ECT2: variants seen among roughly 807,000 people sequenced by gnomAD.
ECT2 encodes the protein epithelial cell transforming 2.
ECT2 carries 61 observed loss-of-function variants against 116.9 expected under a neutral mutation model. That is an observed-to-expected ratio of 0.52 (90% CI 0.42 to 0.65). The LOEUF is 0.65. Ranked by LOEUF, ECT2 falls within the 30% of genes least tolerant of loss-of-function variation. The pLI is 0.00. For synonymous variants in ECT2, 358 were observed against 346.4 expected (o/e 1.03, Z -0.37); for missense variants, 937 against 1,078.7 (o/e 0.87, Z 1.84).
chr3:172,760,825 A>G (rs1029799692), intron 7 of ECT2, among the ~76,000 whole-genome samples: 1 of 139,934 alleles, frequency 7.1e-6, no homozygotes, highest in African/African-American at 2.7e-5. Context: ...GGTTCACGCC[A>G]TTCTCCTGCC....
At chr3:172,760,451 C>CT (rs202128070) in intron 7 of ECT2, among the ~76,000 whole-genome samples, 188 bp downstream of exon 7, 5 of 149,560 alleles carry the variant, frequency 3.3e-5, no homozygotes, top group Admixed American at 1.3e-4. Context: ...CTTTTCTTTT[C>CT]TTTTTTTTTA....
intron 22 of ECT2, among the ~76,000 whole-genome samples, chr3:172,810,482 G>A (rs957498293): frequency 2.6e-5 from 4 of 152,138 alleles, no homozygotes; most frequent in African/African-American, 7.2e-5. Flanking sequence ...AAGTTAGTAT[G>A]ATTTGTATTT....
chr3:172,784,639 C>A, intron 16 of ECT2, 68 bp from the exon 17 acceptor site: 1 of 1,093,628 alleles, frequency 9.1e-7, no homozygotes, highest in Non-Finnish European at 1.4e-6. Flanking sequence ...AGGTGTACTC[C>A]AGTAAAAGTA....
chr3:172,758,357 G>T (rs1246939408), intron 5 of ECT2, among the ~76,000 whole-genome samples: 3 of 152,014 alleles, frequency 2.0e-5, no homozygotes, highest in African/African-American at 7.3e-5. Context: ...ATTTGGAGTG[G>T]TTGGTTTCAA....
At chr3:172,794,203 C>T (rs546760122) in intron 18 of ECT2, among the ~76,000 whole-genome samples, 24 of 151,798 alleles carry the variant, frequency 1.6e-4, no homozygotes, top group Admixed American at 4.6e-4. Flanking sequence ...TTCTTATTTT[C>T]TTTAAGAATG....
rs756644935 is a variant in ECT2, at chr3:172,762,719, A to G, written c.918A>G (p.Glu306=). The stretch of plus-strand genomic sequence containing the variant: ...GTAAATATTTACCGCTTGGAGATGA[A>G]AGATGCACTCACCTTGTAGTTGAAG... ...QGGKYLPLGD[E]RCTHLVVEEN... is the part of the protein sequence containing the mutation. Residue 306 remains glutamate, a synonymous_variant, in exon 10 of 25, where the codon GAA becomes GAG. Transcript: ENST00000392692. 2 of 1,612,452 alleles carry G rather than the reference A, an allele frequency of 1.2e-6. No homozygotes were observed. Among genetic ancestry groups the G allele is most frequent in the Non-Finnish European group, 1.7e-6 (2 of 1,179,422 alleles).
chr3:172,821,932 C>G (rs541132494), downstream of ECT2, among the ~76,000 whole-genome samples: 2 of 151,908 alleles, frequency 1.3e-5, no homozygotes, highest in African/African-American at 4.8e-5. Context: ...TGTTATCTAT[C>G]TGCCTTAGGT....
At chr3:172,761,963 G>T (rs945346703) in intron 8 of ECT2, among the ~76,000 whole-genome samples, 6 of 151,868 alleles carry the variant, frequency 4.0e-5, no homozygotes, top group African/African-American at 1.2e-4. Flanking sequence ...CTGTGTATTT[G>T]GATTTTGTTA....
At chr3:172,787,261 C>A (rs1264350322) in intron 18 of ECT2, among the ~76,000 whole-genome samples, 1 of 152,094 alleles carries the variant, frequency 6.6e-6, no homozygotes, top group African/African-American at 2.4e-5. Context: ...TTCTGAGATG[C>A]CAGGGTGCTT....
chr3:172,809,850 G>A (rs952217827), intron 22 of ECT2, among the ~76,000 whole-genome samples: 9 of 152,114 alleles, frequency 5.9e-5, no homozygotes, highest in Non-Finnish European at 1.0e-4. Flanking sequence ...AAGTTAATCT[G>A]ATACCATTAA....
intron 1 of ECT2, 31 bp from the exon 2 acceptor site, chr3:172,754,478 A>C (rs988001071): frequency 5.5e-6 from 8 of 1,466,182 alleles, no homozygotes; most frequent in Non-Finnish European, 6.4e-6. Context: ...GACCATGTTT[A>C]TGTATTTTTA....
rs1319158624 is a variant in ECT2, at chr3:172,815,670, T to C, written c.2467T>C (p.Leu823=). ...AAATACAAAAGATATGGACAGTACA[T>C]TGAGTAGAGCATCAAGAGCAATAAA... ...EVNTKDMDST[L]SRASRAIKKT... Residue 823 remains leucine, a synonymous_variant, in exon 23 of 25, where the codon TTG becomes CTG. Transcript: ENST00000392692. 6.2e-7 allele frequency: 1 copy of C among 1,606,416 alleles called. No homozygotes were observed. Among genetic ancestry groups the C allele is most frequent in the African/African-American group, 1.3e-5 (1 of 74,600 alleles).
At position 172,784,823 on chromosome 3, in the gene ECT2, C is replaced by G. The variant is rs746544367; in HGVS notation, c.1825+20C>G. On this transcript the variant is annotated intron_variant, in intron 17 of 24. Coordinates refer to ENST00000392692, the MANE Select transcript of ECT2 (RefSeq NM_001258315.2). Reference sequence around the variant, plus strand: ...TAAATGGTACTTGTCTGATCTGTTTCAAACTACATCAGATATTTTAATGGA... The same window carrying G: ...TAAATGGTACTTGTCTGATCTGTTTGAAACTACATCAGATATTTTAATGGA... The G allele has an allele frequency of 1.3e-5, 17 of 1,339,920 alleles. 1 individual carries two copies. The East Asian group carries it at 4.0e-4, about 31-fold the overall frequency. 83.0% of individuals were successfully genotyped at this position (1,339,920 alleles called of 1,614,324 possible).
At chr3:172,828,162 C>A in the ECT2 span, among the ~76,000 whole-genome samples, 1 of 152,142 alleles carries the variant, frequency 6.6e-6, no homozygotes, top group East Asian at 1.9e-4. Context: ...AAGAATAAGT[C>A]TAATAAAAGA....
intron 18 of ECT2, among the ~76,000 whole-genome samples, chr3:172,794,788 C>T (rs1725310694): frequency 6.6e-6 from 1 of 152,118 alleles, no homozygotes; most frequent in Non-Finnish European, 1.5e-5. Flanking sequence ...GGTCTCGGCT[C>T]ACTGCAATCT....
At chr3:172,783,719 A>T in intron 15 of ECT2, 80 bp from the exon 16 acceptor site, 2 of 891,182 alleles carry the variant, frequency 2.2e-6, no homozygotes, top group Non-Finnish European at 3.6e-6. Context: ...TGTGACTACT[A>T]ATTATTTGAC....
chr3:172,803,136 C>G (rs1242092113), intron 20 of ECT2, among the ~76,000 whole-genome samples, 156 bp downstream of exon 20: 1 of 152,032 alleles, frequency 6.6e-6, no homozygotes, highest in African/African-American at 2.4e-5. Context: ...TGATTTAATA[C>G]TGTTAATAGA....
chr3:172,762,311 T>C (rs1718459625), intron 8 of ECT2, 105 bp from the exon 9 acceptor site: 11 of 1,200,350 alleles, frequency 9.2e-6, no homozygotes, highest in Admixed American at 2.7e-5. Flanking sequence ...TTTCAATAGA[T>C]AGATTATGCC....
chr3:172,763,834 T>C (rs2108342386), intron 11 of ECT2, among the ~76,000 whole-genome samples: 1 of 152,340 alleles, frequency 6.6e-6, no homozygotes, highest in East Asian at 1.9e-4. Flanking sequence ...CTTCAGAGTC[T>C]TTGAAATGTG....
Sources: allele counts gnomAD v4.1 joint callset (sites outside exome capture counted in the v4.1 genomes callset), GRCh38; gene constraint gnomAD v4.1.1; transcripts MANE v1.5; gene names NCBI Gene and HGNC (gene_info 2026-07-23, HGNC 2026-07-21).